Variants in HS3ST4 observed in about 807,000 individuals in gnomAD.
HS3ST4 encodes heparan sulfate glucosamine 3-O-sulfotransferase 4.
A neutral mutation model predicts 29.2 loss-of-function variants in HS3ST4; 17 were observed. The ratio of observed to expected loss-of-function variants is 0.58; its 90% confidence interval spans 0.40 to 0.87. The LOEUF is 0.87. HS3ST4 is among the 40% of genes least tolerant of loss of function. HS3ST4 has a pLI of 0.00. For missense variants in HS3ST4, 627 were observed against 634.5 expected, an observed-to-expected ratio of 0.99 and a Z score of 0.13; for synonymous variants, 314 against 285.7, an observed-to-expected ratio of 1.10 and a Z score of -1.00.
At chr16:25,867,231 CTT>C (rs1478853126) in intron 1 of HS3ST4, among the ~76,000 whole-genome samples, 2 of 152,156 alleles carry the variant, frequency 1.3e-5, no homozygotes, top group Admixed American at 6.6e-5. Flanking sequence ...ATAGCACTCT[CTT>C]TAGGAAATTC....
chr16:25,873,434 C>A (rs1967784444), intron 1 of HS3ST4, among the ~76,000 whole-genome samples: 1 of 151,424 alleles, frequency 6.6e-6, no homozygotes, highest in African/African-American at 2.4e-5. Context: ...ATCCATTAAT[C>A]CATCCATCCA....
intron 1 of HS3ST4, among the ~76,000 whole-genome samples, chr16:25,841,585 T>C (rs1327180772): frequency 2.0e-5 from 3 of 152,190 alleles, no homozygotes; most frequent in East Asian, 3.9e-4. Context: ...GTGCCTGGCC[T>C]GTATTTAATT....
intron 1 of HS3ST4, among the ~76,000 whole-genome samples, chr16:25,745,073 C>T (rs905614532): frequency 4.6e-5 from 7 of 152,046 alleles, no homozygotes; most frequent in African/African-American, 1.5e-4. Context: ...GTCTTGAAAA[C>T]GATTCTCATT....
intron 1 of HS3ST4, among the ~76,000 whole-genome samples, chr16:25,773,869 G>A (rs555411878): frequency 9.2e-5 from 14 of 152,052 alleles, no homozygotes; most frequent in South Asian, 8.3e-4. Flanking sequence ...AACAGATTTT[G>A]TGCTGACTTC....
intron 1 of HS3ST4, among the ~76,000 whole-genome samples, chr16:25,727,956 C>T (rs7187704): frequency 0.73 from 110,267 of 152,062 alleles, 41,032 homozygotes; most frequent in East Asian, 0.85. Flanking sequence ...TCCAGAAAAG[C>T]TATCACTTGA....
At chr16:25,969,486 A>C (rs1968875760) in intron 1 of HS3ST4, among the ~76,000 whole-genome samples, 1 of 152,232 alleles carries the variant, frequency 6.6e-6, no homozygotes, top group Admixed American at 6.5e-5. Flanking sequence ...AAGTGTGCGT[A>C]TAAAAGTTCA....
chr16:25,824,145 C>G (rs1368862958), intron 1 of HS3ST4, among the ~76,000 whole-genome samples: 1 of 152,072 alleles, frequency 6.6e-6, no homozygotes, highest in Admixed American at 6.6e-5. Flanking sequence ...AGTCAGGTGC[C>G]CCTGAAGGGA....
At chr16:25,896,396 A>G (rs895775227) in intron 1 of HS3ST4, among the ~76,000 whole-genome samples, 3 of 152,202 alleles carry the variant, frequency 2.0e-5, no homozygotes, top group Non-Finnish European at 4.4e-5. Context: ...CATATGAAAA[A>G]ATGGTCTTCA....
At chr16:26,048,894 G>T (rs561734095) in intron 1 of HS3ST4, among the ~76,000 whole-genome samples, 137 of 152,126 alleles carry the variant, frequency 9.0e-4, no homozygotes, top group African/African-American at 3.2e-3. Flanking sequence ...CATTTTTCTT[G>T]CAGTTCTTTA....
chr16:25,697,644 T>C (rs985021479), intron 1 of HS3ST4, among the ~76,000 whole-genome samples: 5 of 152,208 alleles, frequency 3.3e-5, no homozygotes, highest in Non-Finnish European at 7.3e-5. Flanking sequence ...CTTGTTAACA[T>C]GTAGATTTGG....
chr16:26,069,068 C>T (rs562288598), intron 1 of HS3ST4, among the ~76,000 whole-genome samples: 1 of 152,326 alleles, frequency 6.6e-6, no homozygotes, highest in African/African-American at 2.4e-5. Flanking sequence ...CCTTCTGCTT[C>T]AGCCTCCAGG....
intron 1 of HS3ST4, among the ~76,000 whole-genome samples, chr16:25,726,221 T>C (rs1375638001): frequency 6.6e-6 from 1 of 152,234 alleles, no homozygotes; most frequent in Non-Finnish European, 1.5e-5. Context: ...TGTATTTACC[T>C]GATGTTATAC....
At chr16:26,114,198 T>C (rs562592734) in intron 1 of HS3ST4, among the ~76,000 whole-genome samples, 1 of 152,250 alleles carries the variant, frequency 6.6e-6, no homozygotes, top group South Asian at 2.1e-4. Flanking sequence ...CACACCGGGC[T>C]CCTTGCTGAG....
rs1367420034 is a variant in HS3ST4 at position 26,026,579 on chromosome 16, C to CTA, written c.735-109033_735-109032insTA. Among the ~76,000 whole-genome samples, 3 of 152,134 alleles carry CTA rather than the reference C, an allele frequency of 2.0e-5. No individual in the cohort carries two copies. In the East Asian group the frequency reaches 5.8e-4, roughly 29 times the overall value. Reference sequence around the variant, plus strand: ...GCATCACCTCCAGAATCAACTCTCTCCAGAAGAACAAGAATATGGAAAAAC... The same window carrying CTA: ...GCATCACCTCCAGAATCAACTCTCTCTACAGAAGAACAAGAATATGGAAAAAC... On this transcript the variant is annotated intron_variant, in intron 1 of 1. Coordinates refer to ENST00000331351, the MANE Select transcript of HS3ST4 (RefSeq NM_006040.3).
intron 1 of HS3ST4, among the ~76,000 whole-genome samples, chr16:26,002,611 T>TA (rs955239086): frequency 1.7e-4 from 23 of 131,926 alleles, no homozygotes; most frequent in African/African-American, 6.4e-4. Context: ...TGCCAAATAG[T>TA]AAAAAGAAAG....
At chr16:26,104,187 G>A (rs968222689) in intron 1 of HS3ST4, among the ~76,000 whole-genome samples, 3 of 152,172 alleles carry the variant, frequency 2.0e-5, no homozygotes, top group Non-Finnish European at 4.4e-5. Flanking sequence ...GTTTGAAGGT[G>A]TATTTCCTCT....
At chr16:25,929,969 A>G (rs1968446970) in intron 1 of HS3ST4, among the ~76,000 whole-genome samples, 1 of 152,084 alleles carries the variant, frequency 6.6e-6, no homozygotes. Flanking sequence ...TCCACCCTTA[A>G]GTAGGCCCCA....
intron 1 of HS3ST4, among the ~76,000 whole-genome samples, chr16:25,874,681 G>C (rs1205034733): frequency 6.6e-6 from 1 of 152,038 alleles, no homozygotes; most frequent in African/African-American, 2.4e-5. Context: ...TGTTTAATGA[G>C]CCTCTGACTT....
chr16:25,931,299 T>C (rs1486966052), intron 1 of HS3ST4, among the ~76,000 whole-genome samples: 1 of 152,216 alleles, frequency 6.6e-6, no homozygotes, highest in Non-Finnish European at 1.5e-5. Context: ...CTACCAGCCA[T>C]GGAGTCCTTG....
Sources: allele counts gnomAD v4.1 joint callset (sites outside exome capture counted in the v4.1 genomes callset), GRCh38; gene constraint gnomAD v4.1.1; transcripts MANE v1.5; gene names NCBI Gene and HGNC (gene_info 2026-07-23, HGNC 2026-07-21).